Variants in SETBP1 observed in about 807,000 individuals in gnomAD.
SETBP1 encodes SET-binding protein.
SETBP1 carries 9 observed loss-of-function variants against 101.0 expected under a neutral mutation model. The observed-to-expected ratio is 0.09, with a 90% confidence interval of 0.05 to 0.16. The LOEUF (loss-of-function observed/expected upper bound fraction) is 0.16, where lower values mean the gene tolerates loss of function less well. Ranked by LOEUF, SETBP1 falls within the 10% of genes least tolerant of loss-of-function variation. The probability of loss-of-function intolerance (pLI) is 1.00; values close to 1 mark genes in which losing one functional copy is unlikely to be tolerated. For missense variants in SETBP1, 1,858 were observed against 2,033.8 expected (o/e 0.91, Z 1.66); for synonymous variants, 818 against 788.5 (o/e 1.04, Z -0.63).
rs148068942 is a variant in SETBP1 at position 45,060,765 on chromosome 18, G to T, written c.4172-2314G>T. 1.7e-4 allele frequency among the ~76,000 whole-genome samples: 26 copies of T among 152,224 alleles called. No individual in the cohort carries two copies. The East Asian group carries it at 4.6e-3, about 27-fold the overall frequency. On this transcript the variant is annotated intron_variant, in intron 5 of 5. Transcript: ENST00000649279. ...TTCTGTTTATTTATTTTGGTTTGGAGATTTTGTTTTTGGGGTTTGTTTACT... is the reference window on the plus strand; with the variant it reads ...TTCTGTTTATTTATTTTGGTTTGGATATTTTGTTTTTGGGGTTTGTTTACT...
At chr18:44,733,518 T>C (rs1450247276) in intron 2 of SETBP1, among the ~76,000 whole-genome samples, 1 of 152,202 alleles carries the variant, frequency 6.6e-6, no homozygotes, top group Non-Finnish European at 1.5e-5. Flanking sequence ...TTTTCTTTCC[T>C]AACTCCACCA....
chr18:45,021,644 T>A (rs2073071277), intron 4 of SETBP1, among the ~76,000 whole-genome samples: 2 of 152,036 alleles, frequency 1.3e-5, no homozygotes, highest in South Asian at 4.1e-4. Context: ...AGAAGAAAAA[T>A]TGAAAACCCC....
intron 2 of SETBP1, among the ~76,000 whole-genome samples, chr18:44,825,569 G>T: frequency 6.6e-6 from 1 of 152,180 alleles, no homozygotes; most frequent in Non-Finnish European, 1.5e-5. Flanking sequence ...ATGTTAAATT[G>T]GATATCCAAG....
chr18:44,903,399 A>G (rs938659735), intron 3 of SETBP1, among the ~76,000 whole-genome samples: 4 of 152,222 alleles, frequency 2.6e-5, no homozygotes, highest in African/African-American at 9.6e-5. Flanking sequence ...GATGTTATTG[A>G]CAACTTAGAT....
intron 3 of SETBP1, among the ~76,000 whole-genome samples, chr18:44,912,484 T>G (rs564002323): frequency 3.9e-5 from 6 of 152,250 alleles, no homozygotes; most frequent in African/African-American, 1.4e-4. Context: ...AACTTTTTGT[T>G]TTTTTTGTTT....
At chr18:44,834,558 A>G (rs539237721) in intron 2 of SETBP1, among the ~76,000 whole-genome samples, 2 of 152,298 alleles carry the variant, frequency 1.3e-5, no homozygotes, top group East Asian at 3.9e-4. Context: ...AAGCTATAGA[A>G]GAGGCACAGA....
intron 3 of SETBP1, among the ~76,000 whole-genome samples, chr18:44,876,025 A>G (rs2069395183): frequency 6.6e-6 from 1 of 152,238 alleles, no homozygotes; most frequent in Non-Finnish European, 1.5e-5. Flanking sequence ...AAGGGCCATG[A>G]AAAAGCAATT....
chr18:44,769,942 T>C (rs1425351405), intron 2 of SETBP1, among the ~76,000 whole-genome samples: 1 of 152,144 alleles, frequency 6.6e-6, no homozygotes, highest in African/African-American at 2.4e-5. Context: ...CAAAGACAAT[T>C]CCAGAAATCC....
chr18:44,851,556 C>G (rs2072863718), intron 2 of SETBP1, among the ~76,000 whole-genome samples: 1 of 152,260 alleles, frequency 6.6e-6, no homozygotes, highest in Admixed American at 6.5e-5. Flanking sequence ...TCTGTACCAG[C>G]TGTGCATCAC....
chr18:44,725,847 C>A (rs574226314), intron 2 of SETBP1, among the ~76,000 whole-genome samples: 2 of 152,240 alleles, frequency 1.3e-5, no homozygotes, highest in South Asian at 4.1e-4. Context: ...GCCACCAAAG[C>A]CAATAATAGA....
chr18:44,710,353 G>C (rs1285665444), intron 2 of SETBP1, among the ~76,000 whole-genome samples: 1 of 152,066 alleles, frequency 6.6e-6, no homozygotes, highest in Non-Finnish European at 1.5e-5. Flanking sequence ...GAGAACACAG[G>C]GTGGGGTCTC....
intron 4 of SETBP1, among the ~76,000 whole-genome samples, chr18:45,030,605 C>T (rs2073274913): frequency 1.3e-5 from 2 of 150,380 alleles, no homozygotes; most frequent in African/African-American, 5.0e-5. Flanking sequence ...CCTCCTTGTA[C>T]CTCCGGTGGA....
chr18:44,829,941 A>G (rs940814035), intron 2 of SETBP1, among the ~76,000 whole-genome samples: 1 of 152,254 alleles, frequency 6.6e-6, no homozygotes, highest in Admixed American at 6.5e-5. Flanking sequence ...AATGTGAATC[A>G]GTATAAAATA....
intron 4 of SETBP1, among the ~76,000 whole-genome samples, chr18:44,984,328 A>G (rs2072182311): frequency 6.6e-6 from 1 of 152,218 alleles, no homozygotes; most frequent in African/African-American, 2.4e-5. Context: ...GGATAATTTC[A>G]GGAAGAAACT....
Position 44,951,290 on chromosome 18 carries a change from G to A in SETBP1, c.1950G>A (p.Lys650=). Residue 650 remains lysine, a synonymous_variant, in exon 4 of 6, where the codon AAG becomes AAA. Coordinates refer to ENST00000649279, the MANE Select transcript of SETBP1 (RefSeq NM_015559.3). This position sits in a 1 kb window ranked among gnomAD's most constrained non-coding sequence, Gnocchi z 7.8. ...CCATGAGCGAGATGAAATTTCACAA[G>A]AAAGTTGGAAAGCTCGGCGTGTTGG... is the stretch of plus-strand genomic sequence containing the variant. ...DKPMSEMKFH[K]KVGKLGVLDK... is the part of the protein sequence containing the mutation. 1.2e-6 allele frequency: 2 copies of A among 1,613,630 alleles called. No individual in the cohort carries two copies. Among genetic ancestry groups the A allele is most frequent in the Non-Finnish European group, 1.7e-6 (2 of 1,180,026 alleles).
chr18:44,817,126 A>C (rs1409223952), intron 2 of SETBP1, among the ~76,000 whole-genome samples: 1 of 152,210 alleles, frequency 6.6e-6, no homozygotes, highest in Non-Finnish European at 1.5e-5. Flanking sequence ...TTGGATCCAA[A>C]TGACTTTATG....
chr18:44,861,862 A>G (rs918409565), intron 2 of SETBP1, among the ~76,000 whole-genome samples: 2 of 152,236 alleles, frequency 1.3e-5, no homozygotes, highest in African/African-American at 4.8e-5. Context: ...TTATATGTCA[A>G]GTTTTAAAGG....
chr18:44,811,791 G>A (rs1046028761), intron 2 of SETBP1, among the ~76,000 whole-genome samples: 1 of 152,204 alleles, frequency 6.6e-6, no homozygotes, highest in Non-Finnish European at 1.5e-5. Flanking sequence ...CTCTGGGTAT[G>A]CAAAAGGCCC....
chr18:44,787,040 A>G lies in SETBP1; in HGVS notation c.487-82190A>G, dbSNP rs553976074. On this transcript the variant is annotated intron_variant, in intron 2 of 5. Transcript: ENST00000649279. ...TGAGCAGTTACCTGGGAATCCATTTATAGACTTTGATGCCCTGTCAGTTTT... is the reference window on the plus strand; with the variant it reads ...TGAGCAGTTACCTGGGAATCCATTTGTAGACTTTGATGCCCTGTCAGTTTT... Among the ~76,000 whole-genome samples, 3 of 152,366 alleles carry G rather than the reference A, an allele frequency of 2.0e-5. No homozygotes were observed. The East Asian group carries it at 5.8e-4, about 29-fold the overall frequency.
Sources: gnomAD v4.1 joint callset for allele counts (sites outside exome capture counted in the v4.1 genomes callset) on GRCh38, gnomAD v4.1.1 for gene constraint, Gnocchi (gnomAD v3.1) non-coding constraint, MANE v1.5 for transcripts, NCBI Gene and HGNC (gene_info 2026-07-23, HGNC 2026-07-21) for gene names.